ENTREP3: variants seen among roughly 807,000 people sequenced by gnomAD.
The protein encoded by ENTREP3 is endosomal transmembrane epsin interactor 3, also known as protein ENTREP3.
the ENTREP3 span, chr1:155,251,137 C>T: frequency 6.8e-6 from 11 of 1,611,916 alleles, no homozygotes; most frequent in African/African-American, 4.0e-5. Flanking sequence ...CACGAGCCAT[C>T]GTGAAGCTGA....
At chr1:155,252,691 T>TGC in the ENTREP3 span, 3 of 29,032 alleles carry the variant, frequency 1.0e-4, no homozygotes, top group African/African-American at 7.0e-4. Context: ...ATTTTGTGTG[T>TGC]ATATATATAT....
At chr1:155,249,191 G>A in the ENTREP3 span, among the ~76,000 whole-genome samples, 2 of 151,988 alleles carry the variant, frequency 1.3e-5, no homozygotes, top group South Asian at 2.1e-4. Context: ...AGGTTCAAGC[G>A]ATTCTCCTGC....
the ENTREP3 span, chr1:155,255,154 T>A: frequency 3.7e-5 from 20 of 542,652 alleles, no homozygotes; most frequent in Admixed American, 5.0e-4. This position sits in a 1 kb window ranked among gnomAD's most constrained non-coding sequence, Gnocchi z 5.6. Context: ...CACCGGCTCA[T>A]CGCATCTCCC....
chr1:155,250,320 G>GGCA, the ENTREP3 span: 10 of 1,548,082 alleles, frequency 6.5e-6, no homozygotes, highest in South Asian at 1.1e-4. The surrounding 1 kb of genome is among the most constrained non-coding windows in gnomAD (Gnocchi z 5.4). Context: ...GTGGGACCGT[G>GGCA]GCAGCAGCAG....
chr1:155,254,283 C>T, the ENTREP3 span: 25 of 1,485,210 alleles, frequency 1.7e-5, no homozygotes, highest in South Asian at 1.5e-4. This position sits in a 1 kb window ranked among gnomAD's most constrained non-coding sequence, Gnocchi z 4.4. Context: ...ACAGACACTT[C>T]GTGCCCACCC....
At chr1:155,250,609 G>A in the ENTREP3 span, 12 of 1,608,516 alleles carry the variant, frequency 7.5e-6, no homozygotes, top group Non-Finnish European at 1.0e-5. This position sits in a 1 kb window ranked among gnomAD's most constrained non-coding sequence, Gnocchi z 5.4. Flanking sequence ...GGGGGGCGCC[G>A]TGGCAGGGGG....
the ENTREP3 span, chr1:155,247,417 A>C: frequency 1.9e-6 from 1 of 534,248 alleles, no homozygotes; most frequent in Non-Finnish European, 3.6e-6. Flanking sequence ...TTGCATAGGC[A>C]CACGTCACCC....
At chr1:155,251,247 C>A in the ENTREP3 span, 1 of 1,120,680 alleles carries the variant, frequency 8.9e-7, no homozygotes, top group Non-Finnish European at 1.3e-6. Flanking sequence ...GACTTAGATT[C>A]CAGACCAGCC....
chr1:155,247,774 A>T, the ENTREP3 span: 1 of 1,458,244 alleles, frequency 6.9e-7, no homozygotes, highest in South Asian at 1.5e-5. Context: ...TGTGACAAGA[A>T]GCCTAGGTCA....
chr1:155,251,487 G>A, the ENTREP3 span: 127 of 1,599,614 alleles, frequency 7.9e-5, no homozygotes, highest in South Asian at 1.3e-4. Context: ...GCCCCAAGCC[G>A]TGCTGTGCTC....
chr1:155,248,315 C>G, the ENTREP3 span: 3 of 1,608,854 alleles, frequency 1.9e-6, no homozygotes, highest in East Asian at 2.2e-5. Flanking sequence ...TGCAGAGAGA[C>G]AGAGATAAGA....
At chr1:155,253,333 C>T in the ENTREP3 span, 2 of 329,114 alleles carry the variant, frequency 6.1e-6, no homozygotes, top group Non-Finnish European at 1.1e-5. Flanking sequence ...GAATGAGCCA[C>T]CGTGCCCAGC....
At chr1:155,254,864 G>A in the ENTREP3 span, 1 of 1,571,746 alleles carries the variant, frequency 6.4e-7, no homozygotes, top group Non-Finnish European at 8.6e-7. This position sits in a 1 kb window ranked among gnomAD's most constrained non-coding sequence, Gnocchi z 4.4. Flanking sequence ...GGAGTCACTA[G>A]GCGAGGGCAT....
chr1:155,251,057 G>T, the ENTREP3 span: 2 of 1,577,454 alleles, frequency 1.3e-6, no homozygotes, highest in African/African-American at 1.3e-5. Flanking sequence ...ATCCCTGGCA[G>T]CCCCGCCCTT....
the ENTREP3 span, among the ~76,000 whole-genome samples, chr1:155,249,159 C>T: frequency 6.6e-6 from 1 of 152,014 alleles, no homozygotes. Flanking sequence ...ATGATCTTGG[C>T]TCACGGCAAC....
the ENTREP3 span, chr1:155,255,204 A>T: frequency 6.3e-5 from 23 of 362,442 alleles, no homozygotes; most frequent in East Asian, 2.5e-4. The surrounding 1 kb of genome is among the most constrained non-coding windows in gnomAD (Gnocchi z 5.6). Flanking sequence ...TCCAGGAGTG[A>T]GGAGGGGGCG....
At chr1:155,250,552 G>C in the ENTREP3 span, 2 of 1,578,284 alleles carry the variant, frequency 1.3e-6, no homozygotes, top group African/African-American at 2.7e-5. This position sits in a 1 kb window ranked among gnomAD's most constrained non-coding sequence, Gnocchi z 5.4. Flanking sequence ...GCACCCAGTG[G>C]GGGTGGAGCT....
At chr1:155,252,230 G>T in the ENTREP3 span, among the ~76,000 whole-genome samples, 9 of 150,988 alleles carry the variant, frequency 6.0e-5, no homozygotes, top group African/African-American at 2.2e-4. Context: ...TTGAGACAGA[G>T]TCTGACTCTG....
the ENTREP3 span, chr1:155,253,849 G>A: frequency 6.2e-7 from 1 of 1,613,146 alleles, no homozygotes; most frequent in Non-Finnish European, 8.5e-7. Flanking sequence ...TTTGCAGGGT[G>A]CAAGCTCACC....
Sources: gnomAD v4.1 joint callset for allele counts (sites outside exome capture counted in the v4.1 genomes callset) on GRCh38, gnomAD v4.1.1 for gene constraint, Gnocchi (gnomAD v3.1) non-coding constraint, MANE v1.5 for transcripts, NCBI Gene and HGNC (gene_info 2026-07-23, HGNC 2026-07-21) for gene names.